Variants in AQR observed in about 807,000 individuals in gnomAD.
AQR encodes the protein RNA helicase aquarius.
Under a neutral mutation model 180.5 loss-of-function variants are expected in AQR, and 61 were observed. That is an observed-to-expected ratio of 0.34 (90% CI 0.28 to 0.42). The LOEUF is 0.42. AQR is among the 10% of genes least tolerant of loss of function. The pLI, the probability that AQR is intolerant of heterozygous loss-of-function variation, is 1.00. For synonymous variants in AQR, 551 were observed against 588.8 expected (o/e 0.94, Z 0.93); for missense variants, 1,281 against 1,798.3 (o/e 0.71, Z 5.20).
At chr15:34,881,795 CTT>C (rs1002020357) in intron 27 of AQR, among the ~76,000 whole-genome samples, 1 of 151,778 alleles carries the variant, frequency 6.6e-6, no homozygotes, top group Non-Finnish European at 1.5e-5. Context: ...ATGAAAACCA[CTT>C]TGTTTTTTTT....
chr15:34,879,698 G>A (rs1892941952), intron 27 of AQR, among the ~76,000 whole-genome samples: 1 of 152,006 alleles, frequency 6.6e-6, no homozygotes, highest in Non-Finnish European at 1.5e-5. Flanking sequence ...CAATAGGAAT[G>A]GTTTAAAGAG....
At chr15:34,880,703 G>C (rs1169754589) in intron 27 of AQR, among the ~76,000 whole-genome samples, 2 of 152,148 alleles carry the variant, frequency 1.3e-5, no homozygotes, top group African/African-American at 4.8e-5. Flanking sequence ...TATATTGGGA[G>C]CATTAAGGAA....
intron 6 of AQR, among the ~76,000 whole-genome samples, chr15:34,942,791 C>A (rs1397422548): frequency 1.3e-5 from 2 of 152,120 alleles, no homozygotes; most frequent in African/African-American, 4.8e-5. Flanking sequence ...CTGTATTTCC[C>A]CAAGGAGTAA....
intron 18 of AQR, among the ~76,000 whole-genome samples, chr15:34,905,281 A>G (rs1893394652): frequency 6.6e-6 from 1 of 152,210 alleles, no homozygotes; most frequent in Non-Finnish European, 1.5e-5. Flanking sequence ...TAAACTGACT[A>G]AAGTTTCAAA....
chr15:34,859,984 A>C (rs1420152025), intron 34 of AQR, 58 bp downstream of exon 34: 6 of 951,254 alleles, frequency 6.3e-6, no homozygotes, highest in Non-Finnish European at 4.4e-6. Context: ...ATTTATTCTG[A>C]AAAAAAGAAA....
intron 3 of AQR, among the ~76,000 whole-genome samples, chr15:34,957,967 T>C (rs946387480): frequency 6.6e-6 from 1 of 151,862 alleles, no homozygotes; most frequent in Non-Finnish European, 1.5e-5. Context: ...CCCAGCACTT[T>C]GGGAGGCTGA....
In AQR at chr15:34,942,099, A is replaced by C. The variant is rs1425813052; in HGVS notation, c.472-19T>G. ...CTACTTCCTGTTTAGGGCATGAAGA[A>C]AATAAGTTTATAAACATACCAGCAT... On this transcript the variant is annotated intron_variant, in intron 6 of 34. Coordinates refer to ENST00000156471, the MANE Select transcript of AQR (RefSeq NM_014691.3). The C allele has an allele frequency of 6.2e-7, 1 of 1,600,256 alleles. No individual in the cohort carries two copies. The highest frequency in any genetic ancestry group is 1.7e-5 in the Admixed American group (1 of 59,548).
chr15:34,864,779 A>G (rs958887325), intron 32 of AQR, among the ~76,000 whole-genome samples: 3 of 152,136 alleles, frequency 2.0e-5, no homozygotes, highest in Non-Finnish European at 4.4e-5. Flanking sequence ...CTTCAGTGCT[A>G]TAGTGCAGTA....
chr15:34,906,399 C>T, intron 18 of AQR, 146 bp downstream of exon 18: 1 of 900,190 alleles, frequency 1.1e-6, no homozygotes. Context: ...ACGGTAGGTA[C>T]CCTACACATA....
intron 20 of AQR, 124 bp from the exon 21 acceptor site, chr15:34,897,829 G>A (rs992979860): frequency 2.4e-5 from 25 of 1,026,490 alleles, no homozygotes; most frequent in South Asian, 6.5e-5. Flanking sequence ...TTAAAGGAAC[G>A]ATATCTGTAT....
In AQR at chr15:34,857,096, T is replaced by C. The variant is rs1425895024; in HGVS notation, c.4154A>G (p.Gln1385Arg). The C allele has an allele frequency of 2.6e-6, 4 of 1,559,522 alleles. No homozygotes were observed. Among genetic ancestry groups the C allele is most frequent in the Non-Finnish European group, 3.5e-6 (4 of 1,158,636 alleles). ...CTCTTCTACCATAGCAGGTGGTAGT[T>C]GTAATAAAGTCTAATTAAAAAAAAA... ...TTHHYHQTLL[Q>R]LPPAMVEEGE... The change falls in exon 35 of 35, where the codon CAA becomes CGA. Residue 1385 changes from glutamine to arginine, a missense_variant. By Grantham distance (43) the Gln-to-Arg change is conservative. Around this residue, in one of 9 missense-constraint regions of AQR, gnomAD observed 182 missense variants for 185.3 expected, o/e 0.98. Coordinates refer to ENST00000156471, the MANE Select transcript of AQR (RefSeq NM_014691.3).
chr15:34,948,701 G>A (rs1455733529), intron 4 of AQR, among the ~76,000 whole-genome samples: 1 of 151,506 alleles, frequency 6.6e-6, no homozygotes. Context: ...TCAGGGGGCT[G>A]AGGCAGGAGA....
chr15:34,874,930 G>A (rs531053905), intron 28 of AQR, 66 bp from the exon 29 acceptor site: 36 of 1,424,868 alleles, frequency 2.5e-5, no homozygotes, highest in Non-Finnish European at 3.3e-5. Flanking sequence ...TTTATTACCC[G>A]AGAGACTCAG....
intron 21 of AQR, 48 bp from the exon 22 acceptor site, chr15:34,897,014 G>T: frequency 6.9e-7 from 1 of 1,442,378 alleles, no homozygotes; most frequent in Non-Finnish European, 9.7e-7. Flanking sequence ...ATGATGCTTT[G>T]TATAATACAA....
chr15:34,955,908 C>CAAAA (rs71119992), intron 3 of AQR, among the ~76,000 whole-genome samples: 1 of 68,266 alleles, frequency 1.5e-5, no homozygotes. Context: ...AACTCCATCT[C>CAAAA]AAAAAAAAAA....
At chr15:34,894,715 A>G (rs1893204100) in intron 22 of AQR, among the ~76,000 whole-genome samples, 1 of 152,162 alleles carries the variant, frequency 6.6e-6, no homozygotes, top group African/African-American at 2.4e-5. Context: ...ACAATACAAA[A>G]GGGGAAGGAA....
chr15:34,902,087 A>G (rs1893340847), intron 19 of AQR, among the ~76,000 whole-genome samples: 1 of 152,180 alleles, frequency 6.6e-6, no homozygotes, highest in Non-Finnish European at 1.5e-5. Flanking sequence ...AACATTAGGA[A>G]AGGTTTCATG....
At chr15:34,929,293 A>G (rs1052297003) in intron 12 of AQR, among the ~76,000 whole-genome samples, 5 of 152,052 alleles carry the variant, frequency 3.3e-5, no homozygotes, top group African/African-American at 1.2e-4. Flanking sequence ...GGTATCGCCT[A>G]GGTTTTCTTC....
chr15:34,859,502 T>G (rs925237437), intron 34 of AQR, among the ~76,000 whole-genome samples: 1 of 152,214 alleles, frequency 6.6e-6, no homozygotes, highest in Non-Finnish European at 1.5e-5. Context: ...TCTTAAAAAG[T>G]TAAACACATC....
Sources: allele counts gnomAD v4.1 joint callset (sites outside exome capture counted in the v4.1 genomes callset), GRCh38; gene constraint gnomAD v4.1.1; regional missense constraint gnomAD v4.1.1; transcripts MANE v1.5; gene names NCBI Gene and HGNC (gene_info 2026-07-23, HGNC 2026-07-21).